PPP2R5C: variants seen among roughly 807,000 people sequenced by gnomAD.
PPP2R5C encodes protein phosphatase 2 regulatory subunit B'gamma.
In PPP2R5C, 7 loss-of-function variants were observed where a neutral mutation model predicts 68.9. That is an observed-to-expected ratio of 0.10 (90% confidence interval 0.06 to 0.19). The LOEUF (loss-of-function observed/expected upper bound fraction) is 0.19. PPP2R5C is among the 10% of genes least tolerant of loss of function. The pLI is 1.00. For missense variants in PPP2R5C, 348 were observed against 641.3 expected, an observed-to-expected ratio of 0.54 and a Z score of 4.94; for synonymous variants, 210 against 222.2, an observed-to-expected ratio of 0.95 and a Z score of 0.49.
intron 2 of PPP2R5C, among the ~76,000 whole-genome samples, chr14:101,778,921 G>A (rs1489523030): frequency 6.6e-6 from 1 of 152,126 alleles, no homozygotes; most frequent in East Asian, 1.9e-4. Context: ...TTAGCCAGAT[G>A]TGGTGGTGAG....
At position 101,877,434 on chromosome 14, in the gene PPP2R5C, A is replaced by C. The variant is rs1029843461; in HGVS notation, c.295-4727A>C. Among the ~76,000 whole-genome samples the C allele has an allele frequency of 6.6e-6, 1 of 152,128 alleles. No homozygotes were observed. The highest frequency in any genetic ancestry group is 2.4e-5 in the African/African-American group (1 of 41,410). On this transcript the variant is annotated intron_variant, in intron 2 of 13. Transcript: ENST00000334743. The surrounding 1 kb of genome is among the most constrained non-coding windows in gnomAD (Gnocchi z 4.2). The stretch of plus-strand genomic sequence containing the variant: ...TGGATCCGTAGGTCTCATTTGAGAG[A>C]TCACAGTGACCCTGTGTGCTGCCCA...
intron 1 of PPP2R5C, among the ~76,000 whole-genome samples, chr14:101,841,487 C>T (rs2041468392): frequency 6.6e-6 from 1 of 152,198 alleles, no homozygotes; most frequent in Non-Finnish European, 1.5e-5. Flanking sequence ...CCCAACTGAG[C>T]TTCCACATTG....
chr14:101,821,919 A>AGCT (rs1170478496), intron 1 of PPP2R5C, among the ~76,000 whole-genome samples: 1 of 152,104 alleles, frequency 6.6e-6, no homozygotes, highest in Non-Finnish European at 1.5e-5. Flanking sequence ...TGCTTCACCA[A>AGCT]GCTGCTGGAA....
At chr14:101,870,824 T>TG (rs1401990987) in intron 2 of PPP2R5C, among the ~76,000 whole-genome samples, 2 of 152,222 alleles carry the variant, frequency 1.3e-5, no homozygotes, top group Admixed American at 6.5e-5. Flanking sequence ...AGCAAACAGA[T>TG]GCTATAAATA....
intron 13 of PPP2R5C, among the ~76,000 whole-genome samples, chr14:101,924,856 A>G (rs1047946563): frequency 3.3e-5 from 5 of 152,220 alleles, no homozygotes; most frequent in African/African-American, 4.8e-5. Context: ...TGAATTCTGC[A>G]AATTAGAGGT....
intron 1 of PPP2R5C, among the ~76,000 whole-genome samples, chr14:101,813,323 A>G (rs1480957920): frequency 6.6e-6 from 1 of 152,250 alleles, no homozygotes; most frequent in Non-Finnish European, 1.5e-5. Flanking sequence ...GAAAGCAGCC[A>G]TAGACAGTAA....
chr14:101,831,633 C>T, intron 1 of PPP2R5C: 1 of 631,830 alleles, frequency 1.6e-6, no homozygotes, highest in Non-Finnish European at 3.0e-6. Flanking sequence ...TTACAGTTGA[C>T]CCTTGAACGT....
At chr14:101,806,829 A>C (rs1441786639), upstream of PPP2R5C, among the ~76,000 whole-genome samples, 4 of 151,974 alleles carry the variant, frequency 2.6e-5, no homozygotes, top group Non-Finnish European at 5.9e-5. Flanking sequence ...AGTTGTGGTG[A>C]TTCAAGCCTG....
At chr14:101,762,862 TA>T (rs1382261161) in intron 1 of PPP2R5C, 42 bp from the exon 2 acceptor site, 3 of 1,525,064 alleles carry the variant, frequency 2.0e-6, no homozygotes, top group East Asian at 2.4e-5. Context: ...TTTACCTGTC[TA>T]AAAAGTGAGA....
At chr14:101,808,144 C>G (rs529459447), upstream of PPP2R5C, among the ~76,000 whole-genome samples, 116 of 151,696 alleles carry the variant, frequency 7.6e-4, no homozygotes, top group African/African-American at 2.7e-3. Flanking sequence ...GTCATCAACA[C>G]TGCTTCCTAG....
intron 2 of PPP2R5C, among the ~76,000 whole-genome samples, chr14:101,868,828 C>T (rs2140740160): frequency 6.6e-6 from 1 of 152,270 alleles, no homozygotes; most frequent in Admixed American, 6.5e-5. Context: ...TTTCTTGTGG[C>T]CAGTTCTCGG....
chr14:101,823,957 T>C (rs184754199), intron 1 of PPP2R5C: 3 of 1,288,356 alleles, frequency 2.3e-6, no homozygotes, highest in Admixed American at 2.3e-5. Flanking sequence ...GTTGTACTTT[T>C]AGGGTTTGTG....
At position 101,797,071 on chromosome 14, in the gene PPP2R5C, A is replaced by G. The variant is rs2038645919; in HGVS notation, c.259+10888A>G. The stretch of plus-strand genomic sequence containing the variant: ...TTTCATCATCCCCAACAAAAACTCC[A>G]TTAAACAGTAAGTGGCTGTCTCCCC... On this transcript the variant is annotated intron_variant, in intron 3 of 14. Coordinates refer to the PPP2R5C transcript ENST00000328724. This position sits in a 1 kb window ranked among gnomAD's most constrained non-coding sequence, Gnocchi z 4.2. 2 of 442,874 alleles carry G rather than the reference A, an allele frequency of 4.5e-6. No individual in the cohort carries two copies. The highest frequency in any genetic ancestry group is 9.1e-6 in the Non-Finnish European group (2 of 218,908). 27.4% of individuals were successfully genotyped at this position (442,874 alleles called of 1,614,324 possible).
Position 101,884,064 on chromosome 14 carries a change from T to C in PPP2R5C, c.629+502T>C, listed in dbSNP as rs114239305. 5.2e-3 allele frequency among the ~76,000 whole-genome samples: 796 copies of C among 152,278 alleles called. 7 individuals are homozygous for C. Among genetic ancestry groups the C allele is most frequent in the African/African-American group, 0.019 (776 of 41,556 alleles). On this transcript the variant is annotated intron_variant, in intron 5 of 13. Transcript: ENST00000334743. The stretch of plus-strand genomic sequence containing the variant: ...AGTAGGGAGACGGACAGTGCAGCCT[T>C]CAGTCTGTGGCGGAAAGCCCAGGAG...
At chr14:101,856,841 C>G (rs767759196) in exon 2 of PPP2R5C, 1 of 1,614,106 alleles carries the variant, frequency 6.2e-7, no homozygotes, top group Non-Finnish European at 8.5e-7. Flanking sequence ...CACCCATAAT[C>G]GGAATGTGAT....
intron 1 of PPP2R5C, among the ~76,000 whole-genome samples, chr14:101,847,960 C>T (rs1351490329): frequency 2.0e-5 from 3 of 152,110 alleles, no homozygotes; most frequent in Non-Finnish European, 4.4e-5. Flanking sequence ...CCGGCATGAG[C>T]CAGGCATGAG....
upstream of PPP2R5C, among the ~76,000 whole-genome samples, chr14:101,807,378 A>G (rs945555012): frequency 5.3e-5 from 8 of 152,144 alleles, no homozygotes; most frequent in African/African-American, 1.9e-4. Flanking sequence ...TCATTAATTC[A>G]TACAGCTTTA....
Position 101,909,753 on chromosome 14 carries a change from C to T in PPP2R5C, c.1253+63C>T, listed in dbSNP as rs1034319961. 5 of 1,240,926 alleles carry T rather than the reference C, an allele frequency of 4.0e-6. No individual in the cohort carries two copies. In the African/African-American group the frequency reaches 4.5e-5, roughly 11 times the overall value. The allele number at this position is 1,240,926 out of a possible 1,614,324, so 76.9% of individuals were successfully genotyped here. A position where few individuals can be genotyped will look rare whatever the true frequency, so the allele number is the denominator to read the frequency against. ...TTTTTTCTTAATCCTAAGTAAACCT[C>T]TTCCACTGTTTTGTCCTAAAACGGT... On this transcript the variant is annotated intron_variant, in intron 11 of 13. Transcript: ENST00000334743.
chr14:101,912,619 T>C (rs1339629000), intron 12 of PPP2R5C, 146 bp downstream of exon 14: 1 of 1,331,076 alleles, frequency 7.5e-7, no homozygotes, highest in Non-Finnish European at 9.7e-7. Context: ...ACTTTTAAAC[T>C]TTGTAACCCT....
Sources: allele counts gnomAD v4.1 joint callset (sites outside exome capture counted in the v4.1 genomes callset), GRCh38; gene constraint gnomAD v4.1.1; non-coding constraint Gnocchi (gnomAD v3.1); transcripts MANE v1.5; gene names NCBI Gene and HGNC (gene_info 2026-07-23, HGNC 2026-07-21).